MCHR2: variants seen among roughly 807,000 people sequenced by gnomAD.
MCHR2 encodes melanin-concentrating hormone receptor 2.
In MCHR2, 15 loss-of-function variants were observed where a neutral mutation model predicts 24.8. The observed-to-expected ratio is 0.60, with a 90% CI of 0.40 to 0.93. The LOEUF (loss-of-function observed/expected upper bound fraction) is 0.93, where lower values mean the gene tolerates loss of function less well. MCHR2 is among the 40% of genes least tolerant of loss of function. MCHR2 has a pLI of 0.00. For missense variants in MCHR2, 386 were observed against 408.7 expected, an observed-to-expected ratio of 0.94 and a Z score of 0.48; for synonymous variants, 151 against 147.6, an observed-to-expected ratio of 1.02 and a Z score of -0.17.
intron 5 of MCHR2, among the ~76,000 whole-genome samples, chr6:99,929,010 T>A (rs7751103): frequency 0.4 from 60,545 of 151,826 alleles, 12,745 homozygotes; most frequent in East Asian, 0.76. Context: ...CTGCTTTGAA[T>A]GTGTCCCAGA....
chr6:99,947,632 G>A (rs975400039), intron 3 of MCHR2, 130 bp downstream of exon 3: 18 of 833,506 alleles, frequency 2.2e-5, no homozygotes, highest in Non-Finnish European at 3.2e-5. Flanking sequence ...TAAGTAATCA[G>A]TTCTACAGTG....
chr6:99,969,557 T>A (rs1775357852), intron 1 of MCHR2, among the ~76,000 whole-genome samples: 1 of 151,882 alleles, frequency 6.6e-6, no homozygotes. Context: ...AAGCATTTTT[T>A]CTTTTTTTTC....
intron 5 of MCHR2, among the ~76,000 whole-genome samples, chr6:99,929,204 A>C (rs2114494882): frequency 6.6e-6 from 1 of 152,256 alleles, no homozygotes; most frequent in Non-Finnish European, 1.5e-5. Context: ...TCTGAGAGAC[A>C]GTTTGCTATA....
chr6:99,983,553 A>C (rs555299824), intron 1 of MCHR2, among the ~76,000 whole-genome samples: 1 of 152,320 alleles, frequency 6.6e-6, no homozygotes, highest in African/African-American at 2.4e-5. Context: ...CTTTTGACTC[A>C]CCACTCTAAG....
At chr6:99,931,551 C>T (rs1366484236) in intron 5 of MCHR2, among the ~76,000 whole-genome samples, 2 of 152,142 alleles carry the variant, frequency 1.3e-5, no homozygotes, top group Non-Finnish European at 2.9e-5. Context: ...TGGCGGGCAA[C>T]CCTCCCCCAC....
At chr6:99,984,983 A>G (rs1775745516) in intron 1 of MCHR2, among the ~76,000 whole-genome samples, 1 of 152,174 alleles carries the variant, frequency 6.6e-6, no homozygotes, top group African/African-American at 2.4e-5. Flanking sequence ...GTAAAGTTTC[A>G]GAATACATAA....
At chr6:99,941,017 C>T (rs1195527388) in intron 4 of MCHR2, among the ~76,000 whole-genome samples, 1 of 152,074 alleles carries the variant, frequency 6.6e-6, no homozygotes, top group African/African-American at 2.4e-5. Flanking sequence ...GATATTTCTC[C>T]CTTCCAGAAC....
intron 4 of MCHR2, among the ~76,000 whole-genome samples, chr6:99,941,861 G>T (rs1392889419): frequency 6.6e-6 from 1 of 151,628 alleles, no homozygotes; most frequent in African/African-American, 2.4e-5. Context: ...TTTTTTAACT[G>T]GATTAGCGGA....
At chr6:99,987,241 C>T (rs1323321356) in intron 1 of MCHR2, among the ~76,000 whole-genome samples, 1 of 152,088 alleles carries the variant, frequency 6.6e-6, no homozygotes, top group Non-Finnish European at 1.5e-5. Context: ...GCTGGGATTA[C>T]AGGCACATGC....
Position 99,934,433 on chromosome 6 carries a change from A to T in MCHR2, c.672T>A (p.Thr224=). Residue 224 remains threonine (T), a synonymous_variant, in exon 5 of 6, where the codon ACT becomes ACA. Transcript: ENST00000281806. Reference sequence around the variant, plus strand: ...CCTTATTCTGTTGATACATCTCCCAAGTATAGCATAAAATTAAAATATAGC... The same window carrying T: ...CCTTATTCTGTTGATACATCTCCCATGTATAGCATAAAATTAAAATATAGC... ...LVCYILILCY[T]WEMYQQNKDA... 6.2e-7 allele frequency: 1 copy of T among 1,603,098 alleles called. No homozygotes were observed. Among genetic ancestry groups the T allele is most frequent in the Non-Finnish European group, 8.5e-7 (1 of 1,176,322 alleles).
At chr6:99,985,716 A>C (rs1017301057) in intron 1 of MCHR2, among the ~76,000 whole-genome samples, 16 of 152,188 alleles carry the variant, frequency 1.1e-4, no homozygotes, top group African/African-American at 3.9e-4. Context: ...TGAAACTACA[A>C]AAATCCTAGA....
At chr6:99,988,131 T>C (rs1775802544) in intron 1 of MCHR2, among the ~76,000 whole-genome samples, 1 of 152,240 alleles carries the variant, frequency 6.6e-6, no homozygotes, top group African/African-American at 2.4e-5. Flanking sequence ...TGTCTCCTAC[T>C]GTCAGTTTCA....
At chr6:99,947,637 AC>A (rs1554194394) in intron 3 of MCHR2, 124 bp downstream of exon 3, 6 of 845,676 alleles carry the variant, frequency 7.1e-6, no homozygotes, top group East Asian at 5.3e-5. Flanking sequence ...AATCAGTTCT[AC>A]AGTGAAACAA....
At chr6:99,988,170 T>G (rs1383082593) in intron 1 of MCHR2, among the ~76,000 whole-genome samples, 1 of 152,206 alleles carries the variant, frequency 6.6e-6, no homozygotes, top group Non-Finnish European at 1.5e-5. Flanking sequence ...AGCTTAAACA[T>G]AACAGTGAAG....
rs1774186249 is a variant in MCHR2, at chr6:99,919,740, T to G, written c.*1200A>C. Reference sequence around the variant, plus strand: ...TTTTTTTTTTGTTTGTTTTGTTTTTTTTTTTGAGATGACGTCTCACTCTAT... The same window carrying G: ...TTTTTTTTTTGTTTGTTTTGTTTTTGTTTTTGAGATGACGTCTCACTCTAT... On this transcript the variant is annotated 3_prime_UTR_variant, in exon 6 of 6. Transcript: ENST00000281806. Among the ~76,000 whole-genome samples, 1 of 151,522 alleles carries G rather than the reference T, an allele frequency of 6.6e-6. No homozygotes were observed. The highest frequency in any genetic ancestry group is 2.4e-5 in the African/African-American group (1 of 41,260).
At chr6:99,938,146 C>T (rs1774701216) in intron 4 of MCHR2, among the ~76,000 whole-genome samples, 1 of 151,744 alleles carries the variant, frequency 6.6e-6, no homozygotes, top group Admixed American at 6.6e-5. Flanking sequence ...TTTTGAAAAG[C>T]CAACTTTTCA....
chr6:99,925,726 TTTG>T (rs1243756696), intron 5 of MCHR2, among the ~76,000 whole-genome samples: 7 of 151,980 alleles, frequency 4.6e-5, no homozygotes, highest in African/African-American at 1.4e-4. Context: ...TTTTTAACTT[TTTG>T]TTGTTTCAGT....
Position 99,934,480 on chromosome 6 carries a change from G to T in MCHR2, c.625C>A (p.Pro209Thr). Residue 209 changes from proline to threonine, a missense_variant, in exon 5 of 6, where the codon CCT (proline) becomes ACT (threonine). Physicochemically the swap from Pro to Thr is conservative, Grantham distance 38 (BLOSUM62 -1). Coordinates refer to ENST00000281806, the MANE Select transcript of MCHR2 (RefSeq NM_001040179.2). ...LYLTITTFFF[P>T]LPLILVCYIL... ...TAGCACACCAAAATCAAGGGTAGAG[G>T]GAAAAAAAAAGTTGTTATCGTCAAA... 2 of 1,595,100 alleles carry T rather than the reference G, an allele frequency of 1.3e-6. No homozygotes were observed. Among genetic ancestry groups the T allele is most frequent in the Non-Finnish European group, 1.7e-6 (2 of 1,172,552 alleles).
intron 2 of MCHR2, 71 bp from the exon 3 acceptor site, chr6:99,948,042 A>T: frequency 7.6e-7 from 1 of 1,318,010 alleles, no homozygotes; most frequent in Non-Finnish European, 1.1e-6. Context: ...GCTACCTCAT[A>T]CAAATTTTTA....
Sources: allele counts gnomAD v4.1 joint callset (sites outside exome capture counted in the v4.1 genomes callset), GRCh38; gene constraint gnomAD v4.1.1; transcripts MANE v1.5; gene names NCBI Gene and HGNC (gene_info 2026-07-23, HGNC 2026-07-21).